Variants in GRID1 observed in about 807,000 individuals in gnomAD.
GRID1 encodes glutamate ionotropic receptor delta type subunit 1.
GRID1 carries 28 observed loss-of-function variants against 98.0 expected under a neutral mutation model. The observed-to-expected ratio is 0.29, with a 90% CI of 0.21 to 0.39. The LOEUF (loss-of-function observed/expected upper bound fraction) is 0.39, where lower values mean the gene tolerates loss of function less well. GRID1 is among the 10% of genes least tolerant of loss of function. The pLI, the probability that GRID1 is intolerant of heterozygous loss-of-function variation, is 1.00. For synonymous variants in GRID1, 553 were observed against 538.5 expected (o/e 1.03, Z -0.37); for missense variants, 1,111 against 1,340.5 (o/e 0.83, Z 2.67).
chr10:86,144,868 G>A, intron 3 of GRID1, among the ~76,000 whole-genome samples: 1 of 152,154 alleles, frequency 6.6e-6, no homozygotes, highest in East Asian at 1.9e-4. Flanking sequence ...TGGACTGGCG[G>A]AGGCCTTTCA....
chr10:85,965,784 AT>A lies in GRID1; in HGVS notation c.727-49546del, dbSNP rs529934417. 5.6e-3 allele frequency among the ~76,000 whole-genome samples: 824 copies of A among 148,384 alleles called. 5 individuals carry two copies. Among genetic ancestry groups the A allele is most frequent in the African/African-American group, 0.019 (765 of 40,640 alleles). On this transcript the variant is annotated intron_variant, in intron 4 of 15. Transcript: ENST00000327946. The stretch of plus-strand genomic sequence containing the variant: ...CATGTACCCCAGAACTTAAAATATA[AT>A]AAAAAAAAAAACTTTCTCACAACCC...
At chr10:85,665,569 G>A (rs1411471003) in intron 12 of GRID1, among the ~76,000 whole-genome samples, 1 of 152,094 alleles carries the variant, frequency 6.6e-6, no homozygotes, top group Non-Finnish European at 1.5e-5. Context: ...TTTTCACCTA[G>A]AGCAAAAGGA....
chr10:85,688,211 C>T (rs1233412634), intron 12 of GRID1, among the ~76,000 whole-genome samples: 1 of 152,174 alleles, frequency 6.6e-6, no homozygotes, highest in African/African-American at 2.4e-5. Context: ...AAGGGGGAAG[C>T]CGTGAAGGCA....
chr10:86,166,035 G>T (rs1203279206), intron 3 of GRID1, among the ~76,000 whole-genome samples: 4 of 152,192 alleles, frequency 2.6e-5, no homozygotes, highest in African/African-American at 7.2e-5. Flanking sequence ...GCTAACTATG[G>T]AGTAAATGAG....
chr10:86,044,464 C>T (rs570299904), intron 4 of GRID1, among the ~76,000 whole-genome samples: 5 of 152,248 alleles, frequency 3.3e-5, no homozygotes, highest in Admixed American at 6.5e-5. Flanking sequence ...AGAAGATACC[C>T]GATTTGCTTA....
At chr10:86,344,660 C>T (rs1479820311) in intron 2 of GRID1, among the ~76,000 whole-genome samples, 1 of 152,214 alleles carries the variant, frequency 6.6e-6, no homozygotes, top group East Asian at 1.9e-4. Context: ...CCAGGAAAGC[C>T]CTGTCTTGAC....
chr10:85,963,237 T>G (rs949472065), intron 4 of GRID1, among the ~76,000 whole-genome samples: 2 of 152,188 alleles, frequency 1.3e-5, no homozygotes, highest in African/African-American at 2.4e-5. Context: ...GACCTTTCTT[T>G]CATATGAAAT....
At chr10:86,023,586 C>T (rs527804620) in intron 4 of GRID1, among the ~76,000 whole-genome samples, 2 of 152,264 alleles carry the variant, frequency 1.3e-5, no homozygotes, top group Non-Finnish European at 2.9e-5. Context: ...TTACCCACTG[C>T]TTGCTGACAA....
intron 4 of GRID1, among the ~76,000 whole-genome samples, chr10:85,931,416 C>T (rs1369442898): frequency 6.6e-6 from 1 of 152,164 alleles, no homozygotes; most frequent in Non-Finnish European, 1.5e-5. Flanking sequence ...TCTGTTCTTG[C>T]TCTAGAATTT....
At chr10:85,937,548 C>T (rs1000928937) in intron 4 of GRID1, among the ~76,000 whole-genome samples, 9 of 152,212 alleles carry the variant, frequency 5.9e-5, no homozygotes, top group African/African-American at 2.2e-4. Flanking sequence ...GTTGACCTGA[C>T]TATATTATCA....
At chr10:86,139,316 C>T (rs1844978649) in intron 3 of GRID1, among the ~76,000 whole-genome samples, 1 of 152,196 alleles carries the variant, frequency 6.6e-6, no homozygotes, top group African/African-American at 2.4e-5. Context: ...CTTTCTTTCC[C>T]TATATGGGCC....
At chr10:86,068,711 G>A (rs766894030) in intron 4 of GRID1, among the ~76,000 whole-genome samples, 7 of 152,190 alleles carry the variant, frequency 4.6e-5, no homozygotes. Context: ...TGAGCGTCTA[G>A]GGAGGCAACT....
At chr10:86,352,081 T>C (rs1417183869) in intron 2 of GRID1, among the ~76,000 whole-genome samples, 1 of 152,172 alleles carries the variant, frequency 6.6e-6, no homozygotes, top group East Asian at 1.9e-4. Flanking sequence ...GGCGAGCGGA[T>C]CACAAGGTCA....
chr10:86,336,848 A>ATTTTT (rs4030750), intron 2 of GRID1, among the ~76,000 whole-genome samples: 14 of 143,934 alleles, frequency 9.7e-5, no homozygotes, highest in South Asian at 6.5e-4. Context: ...CTGGCCCACT[A>ATTTTT]TTTTTTTTTT....
chr10:85,925,212 C>T (rs1246876352), intron 4 of GRID1, among the ~76,000 whole-genome samples: 1 of 152,182 alleles, frequency 6.6e-6, no homozygotes, highest in East Asian at 1.9e-4. Flanking sequence ...ATAAGGCCCC[C>T]CATGTTCTTG....
chr10:85,630,905 G>A (rs1428382316), intron 13 of GRID1, among the ~76,000 whole-genome samples: 2 of 152,094 alleles, frequency 1.3e-5, no homozygotes, highest in African/African-American at 2.4e-5. Flanking sequence ...TTGAACACAG[G>A]TTTATAAAGG....
intron 12 of GRID1, among the ~76,000 whole-genome samples, chr10:85,675,428 G>A (rs544482416): frequency 1.3e-5 from 2 of 152,300 alleles, no homozygotes; most frequent in South Asian, 4.1e-4. Context: ...ACCTACCACA[G>A]GGATCCAGGA....
chr10:86,000,930 AAAC>A (rs541133009), intron 4 of GRID1, among the ~76,000 whole-genome samples: 103 of 68,844 alleles, frequency 1.5e-3, no homozygotes, highest in African/African-American at 4.8e-3. Flanking sequence ...TAATTACCAA[AAAC>A]TAGAAACAAC....
At chr10:86,133,028 C>A (rs1399416559) in intron 4 of GRID1, among the ~76,000 whole-genome samples, 1 of 152,250 alleles carries the variant, frequency 6.6e-6, no homozygotes, top group Middle Eastern at 3.2e-3. Flanking sequence ...CTGTTCTTCC[C>A]TCTACAGAAA....
Sources: allele counts gnomAD v4.1 joint callset (sites outside exome capture counted in the v4.1 genomes callset), GRCh38; gene constraint gnomAD v4.1.1; transcripts MANE v1.5; gene names NCBI Gene and HGNC (gene_info 2026-07-23, HGNC 2026-07-21).